Variants in C11orf65 observed in about 807,000 individuals in gnomAD.
The protein encoded by C11orf65 is chromosome 11 open reading frame 65.
A neutral mutation model predicts 35.3 loss-of-function variants in C11orf65; 38 were observed. The observed-to-expected ratio is 1.08, with a 90% confidence interval of 0.83 to 1.41. C11orf65 has a LOEUF of 1.41. Among genes scored for constraint, C11orf65 ranks in the 40% most tolerant of loss-of-function variants. The pLI, the probability that C11orf65 is intolerant of heterozygous loss-of-function variation, is 0.00. For missense variants in C11orf65, 370 were observed against 367.1 expected, an observed-to-expected ratio of 1.01 and a Z score of -0.06; for synonymous variants, 105 against 114.4, an observed-to-expected ratio of 0.92 and a Z score of 0.53.
rs1060501652 is a variant in C11orf65 at position 108,310,311 on chromosome 11, A to C, written c.641-1240T>G. The C allele has an allele frequency of 6.2e-7, 1 of 1,612,756 alleles. No individual in the cohort carries two copies. Among genetic ancestry groups the C allele is most frequent in the Non-Finnish European group, 8.5e-7 (1 of 1,179,204 alleles). ...TAAGAAAAGTATGGATGATCAAGAG[A>C]AAAGGTAATGGAATTTAGAATTTTT... On this transcript the variant is annotated intron_variant, in intron 6 of 6. Coordinates refer to the C11orf65 transcript ENST00000525729.
rs1413093660 is a variant in C11orf65 at position 108,450,943 on chromosome 11, A to G, written c.81+10536T>C. 1.1e-4 allele frequency among the ~76,000 whole-genome samples: 16 copies of G among 151,920 alleles called. No homozygotes were observed. The East Asian group carries it at 3.1e-3, about 29-fold the overall frequency. On this transcript the variant is annotated intron_variant, in intron 2 of 8. Coordinates refer to ENST00000393084, the MANE Select transcript of C11orf65 (RefSeq NM_152587.5). ...CTCAATAGATGCAGAAACGGCCTTCAATAAAATTCAACAGCTCTTCATGCT... is the reference window on the plus strand; with the variant it reads ...CTCAATAGATGCAGAAACGGCCTTCGATAAAATTCAACAGCTCTTCATGCT...
At chr11:108,414,351 A>G (rs1411619596) in intron 3 of C11orf65, among the ~76,000 whole-genome samples, 2 of 151,128 alleles carry the variant, frequency 1.3e-5, no homozygotes, top group African/African-American at 2.4e-5. Context: ...ATGGTGAAGG[A>G]AAAAAAAAGA....
chr11:108,331,632 T>A (rs2086246371), intron 3 of C11orf65: 1 of 1,430,396 alleles, frequency 7.0e-7, no homozygotes, highest in Non-Finnish European at 9.3e-7. Context: ...AAAGTATATA[T>A]ACCATTCCCT....
intron 2 of C11orf65, among the ~76,000 whole-genome samples, chr11:108,364,415 G>T (rs775045077): frequency 6.6e-6 from 1 of 151,986 alleles, no homozygotes; most frequent in South Asian, 2.1e-4. Context: ...TAAAATTTAC[G>T]ACCTAAAGCT....
At chr11:108,421,216 T>A (rs1318896288) in intron 3 of C11orf65, among the ~76,000 whole-genome samples, 4 of 152,196 alleles carry the variant, frequency 2.6e-5, no homozygotes, top group African/African-American at 9.7e-5. Context: ...TGTTCCTGCC[T>A]TGTCTGCTGT....
intron 3 of C11orf65, among the ~76,000 whole-genome samples, chr11:108,410,350 G>A (rs2138723103): frequency 6.6e-6 from 1 of 152,270 alleles, no homozygotes; most frequent in East Asian, 1.9e-4. Context: ...TATCAGTCAT[G>A]CTAGTAGTTT....
chr11:108,463,639 C>A (rs2093498411), intron 1 of C11orf65, among the ~76,000 whole-genome samples: 1 of 152,144 alleles, frequency 6.6e-6, no homozygotes, highest in Non-Finnish European at 1.5e-5. Context: ...TCAAGTTACT[C>A]ATCTGTAAAA....
chr11:108,463,355 T>C (rs2093494892), intron 1 of C11orf65, among the ~76,000 whole-genome samples: 1 of 152,228 alleles, frequency 6.6e-6, no homozygotes, highest in Non-Finnish European at 1.5e-5. Context: ...TTTAAAGTTA[T>C]TCAGATGCTT....
Position 108,407,035 on chromosome 11 carries a change from T to C in C11orf65, c.228+61A>G. The stretch of plus-strand genomic sequence containing the variant: ...ATGTTTTACATTTTGAAAAATTACA[T>C]TGTTTCAATTTCATAAAAATGTGCT... On this transcript the variant is annotated intron_variant, in intron 4 of 8. Transcript: ENST00000393084. The C allele has an allele frequency of 1.9e-6, 3 of 1,568,690 alleles. No homozygotes were observed. In the South Asian group the frequency reaches 3.4e-5, roughly 18 times the overall value.
At chr11:108,320,186 T>C in intron 6 of C11orf65, 2 of 721,348 alleles carry the variant, frequency 2.8e-6, no homozygotes, top group Non-Finnish European at 4.7e-6. Flanking sequence ...GTGGCTGTGA[T>C]CAGATGTTTC....
chr11:108,351,913 T>C (rs2089251345), intron 2 of C11orf65, among the ~76,000 whole-genome samples: 1 of 152,202 alleles, frequency 6.6e-6, no homozygotes, highest in Admixed American at 6.5e-5. Context: ...TCAGTGGACA[T>C]ATCCGGGGAA....
chr11:108,439,693 AATGTT>A (rs1285193671), intron 2 of C11orf65, among the ~76,000 whole-genome samples: 1 of 152,346 alleles, frequency 6.6e-6, no homozygotes, highest in East Asian at 1.9e-4. Context: ...GAACATTGAA[AATGTT>A]ATGTTGAGTA....
intron 3 of C11orf65, chr11:108,334,945 C>G (rs2136650352): frequency 6.2e-7 from 1 of 1,604,134 alleles, no homozygotes; most frequent in Non-Finnish European, 8.5e-7. Context: ...GACCTATTAT[C>G]AATCATGTTT....
chr11:108,340,932 A>G (rs1187267998), intron 2 of C11orf65, among the ~76,000 whole-genome samples: 1 of 152,018 alleles, frequency 6.6e-6, no homozygotes, highest in African/African-American at 2.4e-5. Context: ...TATTGTTTTT[A>G]TTGAGGTTTT....
intron 2 of C11orf65, among the ~76,000 whole-genome samples, chr11:108,348,178 T>G (rs227076): frequency 6.7e-6 from 1 of 149,976 alleles, no homozygotes; most frequent in Admixed American, 6.6e-5. Flanking sequence ...CTAGGTGGAA[T>G]AGACAGTTTA....
chr11:108,313,703 T>C (rs897631625), intron 6 of C11orf65, among the ~76,000 whole-genome samples: 1 of 152,178 alleles, frequency 6.6e-6, no homozygotes, highest in African/African-American at 2.4e-5. Flanking sequence ...ACTGAACTTT[T>C]CTACTCTGAG....
At chr11:108,434,096 A>G (rs929106080) in intron 2 of C11orf65, among the ~76,000 whole-genome samples, 2 of 152,192 alleles carry the variant, frequency 1.3e-5, no homozygotes, top group Non-Finnish European at 2.9e-5. Flanking sequence ...ACAGAGAAGA[A>G]TCTTAATAAT....
chr11:108,431,569 GTTTGC>G (rs2092990259), intron 3 of C11orf65, among the ~76,000 whole-genome samples, 172 bp downstream of exon 3: 1 of 152,116 alleles, frequency 6.6e-6, no homozygotes, highest in South Asian at 2.1e-4. Context: ...TTACATAGGT[GTTTGC>G]TTTGTGATGA....
At chr11:108,400,473 A>G (rs989655293) in intron 6 of C11orf65, among the ~76,000 whole-genome samples, 6 of 152,234 alleles carry the variant, frequency 3.9e-5, no homozygotes, top group African/African-American at 1.2e-4. Context: ...CCCTGGGGAC[A>G]AGAGCAGGAA....
Sources: allele counts gnomAD v4.1 joint callset (sites outside exome capture counted in the v4.1 genomes callset), GRCh38; gene constraint gnomAD v4.1.1; transcripts MANE v1.5; gene names NCBI Gene and HGNC (gene_info 2026-07-23, HGNC 2026-07-21).